Variants in DCDC1 observed in about 807,000 individuals in gnomAD.
The protein encoded by DCDC1 is doublecortin domain-containing protein 1.
A neutral mutation model predicts 178.3 loss-of-function variants in DCDC1; 200 were observed. The observed-to-expected ratio is 1.12, with a 90% confidence interval of 1.00 to 1.26. The LOEUF (loss-of-function observed/expected upper bound fraction) is 1.26. Among genes scored for constraint, DCDC1 ranks in the 50% most tolerant of loss-of-function variants. DCDC1 has a pLI of 0.00. For missense variants in DCDC1, 1,983 were observed against 1,749.2 expected (o/e 1.13, Z -2.38); for synonymous variants, 690 against 604.8 (o/e 1.14, Z -2.07).
rs775350920 is a variant in DCDC1 at position 30,952,557 on chromosome 11, T to C, written c.2603A>G (p.Lys868Arg). Residue 868 changes from lysine to arginine, a missense_variant, in exon 21 of 39, where the codon AAA becomes AGA. Transcript: ENST00000684477. ...PKASAQRWAI[K>R]HEGTSKPGQW... is the part of the protein sequence containing the mutation. ...GCCTGGCTTACTGGTTCCTTCATGTTTTATGGCCCACCTAAAACAAAAGAT... is the reference window on the plus strand; with the variant it reads ...GCCTGGCTTACTGGTTCCTTCATGTCTTATGGCCCACCTAAAACAAAAGAT... 7.1e-6 allele frequency: 10 copies of C among 1,401,438 alleles called. No homozygotes were observed. The highest frequency in any genetic ancestry group is 1.8e-4 in the Middle Eastern group (1 of 5,628). The allele number at this position is 1,401,438 out of a possible 1,614,324, so 86.8% of individuals were successfully genotyped here.
chr11:30,965,591 T>C (rs1404624474), intron 20 of DCDC1, among the ~76,000 whole-genome samples: 1 of 122,058 alleles, frequency 8.2e-6, no homozygotes, highest in Non-Finnish European at 1.9e-5. Context: ...TGTTTGTTTG[T>C]TTTGTTTTTT....
intron 20 of DCDC1, among the ~76,000 whole-genome samples, chr11:31,061,556 A>G (rs1955919964): frequency 6.6e-6 from 1 of 151,996 alleles, no homozygotes; most frequent in Admixed American, 6.6e-5. Flanking sequence ...TCCCTGCCTT[A>G]AGAAAAAAAA....
At chr11:31,229,029 C>A (rs1975395967) in intron 9 of DCDC1, among the ~76,000 whole-genome samples, 1 of 151,734 alleles carries the variant, frequency 6.6e-6, no homozygotes. Flanking sequence ...ATATACCCTG[C>A]CAAATGTAAA....
At chr11:31,091,703 A>G (rs1957831979) in intron 16 of DCDC1, among the ~76,000 whole-genome samples, 192 bp from the exon 17 acceptor site, 1 of 152,178 alleles carries the variant, frequency 6.6e-6, no homozygotes, top group African/African-American at 2.4e-5. Flanking sequence ...TCTGTCCAAC[A>G]AGGGTGGCAT....
chr11:30,918,543 A>G (rs1018508976), intron 25 of DCDC1, among the ~76,000 whole-genome samples: 1 of 152,164 alleles, frequency 6.6e-6, no homozygotes, highest in Non-Finnish European at 1.5e-5. Flanking sequence ...TACGTTAGCA[A>G]TGGAGTCAAA....
intron 9 of DCDC1, among the ~76,000 whole-genome samples, chr11:31,177,575 G>C (rs935523671): frequency 1.3e-5 from 2 of 152,038 alleles, no homozygotes; most frequent in African/African-American, 4.8e-5. Context: ...AAAACATATA[G>C]AGTGGCTGAA....
chr11:31,330,260 T>G (rs1949898218), intron 2 of DCDC1, among the ~76,000 whole-genome samples: 1 of 152,136 alleles, frequency 6.6e-6, no homozygotes, highest in African/African-American at 2.4e-5. Context: ...TTTTTTCTTG[T>G]AAATTTGCTT....
chr11:31,103,550 T>C, intron 14 of DCDC1, 94 bp downstream of exon 14: 2 of 597,178 alleles, frequency 3.3e-6, no homozygotes, highest in Admixed American at 6.4e-5. Context: ...AAGAGCATCT[T>C]TTAGTGTTTC....
In DCDC1 at chr11:31,323,575, T is replaced by C. The variant is rs1176136168; in HGVS notation, c.164+4542A>G. Among the ~76,000 whole-genome samples, 4 of 152,166 alleles carry C rather than the reference T, an allele frequency of 2.6e-5. No individual in the cohort carries two copies. In the East Asian group the frequency reaches 5.8e-4, roughly 22 times the overall value. On this transcript the variant is annotated intron_variant, in intron 3 of 38. Transcript: ENST00000684477. ...GCATATATTTCTTGCTTTATATTTT[T>C]ATGGCATTTAAACCTTCCTGAAGAG...
At chr11:31,338,586 C>T (rs1215341772) in intron 1 of DCDC1, among the ~76,000 whole-genome samples, 1 of 152,062 alleles carries the variant, frequency 6.6e-6, no homozygotes, top group Non-Finnish European at 1.5e-5. Context: ...GCCTTTTTTC[C>T]ATCTACATGT....
At position 31,206,468 on chromosome 11, in the gene DCDC1, C is replaced by T. The variant is rs370840940; in HGVS notation, c.1221+34982G>A. 2.0e-5 allele frequency among the ~76,000 whole-genome samples: 3 copies of T among 152,306 alleles called. No individual in the cohort carries two copies. The East Asian group carries it at 5.8e-4, about 29-fold the overall frequency. On this transcript the variant is annotated intron_variant, in intron 9 of 38. Transcript: ENST00000684477. Reference sequence around the variant, plus strand: ...TCGCACTGTTGCCCAGGCTGGAGTGCAGTGGAGTGAACTCCGCTCACTGCA... The same window carrying T: ...TCGCACTGTTGCCCAGGCTGGAGTGTAGTGGAGTGAACTCCGCTCACTGCA...
chr11:31,148,701 T>C (rs562154065), intron 9 of DCDC1, among the ~76,000 whole-genome samples: 4 of 135,270 alleles, frequency 3.0e-5, no homozygotes, highest in Admixed American at 7.4e-5. Flanking sequence ...AGACTCCGTC[T>C]CAAAAAAAAA....
chr11:31,360,245 T>C (rs1459897668), intron 1 of DCDC1, among the ~76,000 whole-genome samples: 1 of 152,156 alleles, frequency 6.6e-6, no homozygotes, highest in Admixed American at 6.5e-5. Flanking sequence ...CAGGTTCCTA[T>C]TAATACATAC....
intron 20 of DCDC1, among the ~76,000 whole-genome samples, chr11:31,036,404 C>A (rs758755191): frequency 5.9e-5 from 9 of 152,118 alleles, no homozygotes; most frequent in Non-Finnish European, 8.8e-5. Flanking sequence ...TAGAGATAAT[C>A]ATCATCAGTA....
intron 20 of DCDC1, among the ~76,000 whole-genome samples, chr11:31,009,060 C>T (rs1952017679): frequency 6.6e-6 from 1 of 152,036 alleles, no homozygotes; most frequent in African/African-American, 2.4e-5. Flanking sequence ...TAGTAGATTT[C>T]AGAAGTTAAT....
At chr11:30,974,155 T>A (rs1399904766) in intron 20 of DCDC1, among the ~76,000 whole-genome samples, 7 of 149,552 alleles carry the variant, frequency 4.7e-5, no homozygotes, top group Admixed American at 3.3e-4. Context: ...AGGAAGAAAT[T>A]AAGGAGAAAT....
intron 15 of DCDC1, among the ~76,000 whole-genome samples, chr11:31,094,644 AAAAGGTATTCCAAGT>A (rs1382753556): frequency 6.6e-6 from 1 of 152,190 alleles, no homozygotes; most frequent in Non-Finnish European, 1.5e-5. Flanking sequence ...ATAAAGAATA[AAAAGGTATTCCAAGT>A]AAAGGCAAGG....
At chr11:31,328,686 C>T (rs1949779935) in intron 2 of DCDC1, among the ~76,000 whole-genome samples, 1 of 151,794 alleles carries the variant, frequency 6.6e-6, no homozygotes, top group Non-Finnish European at 1.5e-5. Context: ...TGGCAGGTGC[C>T]TGTAGTCCCA....
intron 1 of DCDC1, among the ~76,000 whole-genome samples, chr11:31,342,881 T>C (rs1313752640): frequency 1.3e-5 from 2 of 152,252 alleles, no homozygotes; most frequent in Non-Finnish European, 2.9e-5. Flanking sequence ...TTTTATTTTT[T>C]ACTTATGCAC....
Sources: allele counts gnomAD v4.1 joint callset (sites outside exome capture counted in the v4.1 genomes callset), GRCh38; gene constraint gnomAD v4.1.1; transcripts MANE v1.5; gene names NCBI Gene and HGNC (gene_info 2026-07-23, HGNC 2026-07-21).